Variants in SLC27A2 observed in about 807,000 individuals in gnomAD.
SLC27A2 encodes the protein solute carrier family 27 member 2.
In SLC27A2, 54 loss-of-function variants were observed where a neutral mutation model predicts 60.0. The observed-to-expected ratio is 0.90, with a 90% CI of 0.72 to 1.13. The LOEUF (loss-of-function observed/expected upper bound fraction) is 1.13. Ranked by LOEUF, SLC27A2 falls within the 50% of genes most tolerant of loss-of-function variation. SLC27A2 has a pLI of 0.00. For missense variants in SLC27A2, 739 were observed against 777.6 expected (o/e 0.95, Z 0.59); for synonymous variants, 297 against 297.6 (o/e 1.00, Z 0.02).
intron 4 of SLC27A2, among the ~76,000 whole-genome samples, chr15:50,213,983 G>C (rs542268803): frequency 2.2e-5 from 3 of 136,130 alleles, no homozygotes; most frequent in African/African-American, 8.5e-5. Context: ...AAATGAAATT[G>C]AAACAAACAA....
chr15:50,197,722 G>A lies in SLC27A2; in HGVS notation c.688+13G>A, dbSNP rs1029729504. The A allele has an allele frequency of 2.5e-6, 4 of 1,590,126 alleles. No homozygotes were observed. The African/African-American group carries it at 5.4e-5, about 21-fold the overall frequency. On this transcript the variant is annotated intron_variant, in intron 2 of 9. Coordinates refer to ENST00000267842, the MANE Select transcript of SLC27A2 (RefSeq NM_003645.4). Reference sequence around the variant, plus strand: ...TCTGGAACCACAGGTAAAAATAAAGGGGGGATTCTCCAAAAAAATTAATCT... The same window carrying A: ...TCTGGAACCACAGGTAAAAATAAAGAGGGGATTCTCCAAAAAAATTAATCT...
chr15:50,188,963 GTAGATAGATAGATAGATAAA>G (rs796221960), intron 1 of SLC27A2, among the ~76,000 whole-genome samples: 1,917 of 144,680 alleles, frequency 0.013, 11 homozygotes, highest in African/African-American at 0.021. Context: ...GTCTAGATAG[GTAGATAGATAGATAGATAAA>G]TAGATAGATA....
intron 9 of SLC27A2, among the ~76,000 whole-genome samples, chr15:50,234,517 G>T (rs570081693): frequency 6.6e-6 from 1 of 150,742 alleles, no homozygotes; most frequent in East Asian, 2.0e-4. Flanking sequence ...AACCTAGGAG[G>T]AGGAGGTTGC....
chr15:50,200,585 C>G (rs1567429728), intron 2 of SLC27A2, among the ~76,000 whole-genome samples: 1 of 152,164 alleles, frequency 6.6e-6, no homozygotes, highest in South Asian at 2.1e-4. Flanking sequence ...GAAGGTACCA[C>G]CAAGTATTGA....
At chr15:50,225,934 A>G (rs1384295867) in intron 5 of SLC27A2, 54 bp from the exon 6 acceptor site, 2 of 1,295,684 alleles carry the variant, frequency 1.5e-6, no homozygotes, top group African/African-American at 3.0e-5. Flanking sequence ...TACCACAATT[A>G]AAAAGGGAAA....
At chr15:50,221,123 T>C (rs1448074956) in intron 4 of SLC27A2, among the ~76,000 whole-genome samples, 1 of 151,956 alleles carries the variant, frequency 6.6e-6, no homozygotes, top group East Asian at 1.9e-4. Flanking sequence ...GGAGGATCGC[T>C]TGAGCCTGGG....
intron 8 of SLC27A2, among the ~76,000 whole-genome samples, chr15:50,230,236 CAAAAA>C (rs921052664): frequency 2.1e-5 from 1 of 48,684 alleles, no homozygotes; most frequent in African/African-American, 8.9e-5. Context: ...TCTGTCTCAC[CAAAAA>C]AAAAAAAAAA....
At chr15:50,195,546 C>T (rs189434997) in intron 1 of SLC27A2, among the ~76,000 whole-genome samples, 59 of 152,036 alleles carry the variant, frequency 3.9e-4, no homozygotes, top group Non-Finnish European at 1.5e-5. Context: ...TAGGCATTAG[C>T]TTTAGTTGTG....
intron 1 of SLC27A2, among the ~76,000 whole-genome samples, chr15:50,193,467 G>A (rs1288770599): frequency 6.6e-6 from 1 of 152,220 alleles, no homozygotes; most frequent in African/African-American, 2.4e-5. Context: ...GAATGAGAAT[G>A]GATCCAGGTA....
At chr15:50,217,524 G>T (rs936765654) in intron 4 of SLC27A2, among the ~76,000 whole-genome samples, 10 of 152,130 alleles carry the variant, frequency 6.6e-5, no homozygotes, top group African/African-American at 1.4e-4. Flanking sequence ...TATTGAAGGA[G>T]TGTAATTCTT....
intron 4 of SLC27A2, among the ~76,000 whole-genome samples, chr15:50,214,715 A>T (rs1175011713): frequency 6.6e-6 from 1 of 152,214 alleles, no homozygotes; most frequent in African/African-American, 2.4e-5. Flanking sequence ...GTAAAAAATC[A>T]CATGATAATC....
chr15:50,235,659 T>G (rs1167091487), intron 9 of SLC27A2, among the ~76,000 whole-genome samples: 1 of 152,272 alleles, frequency 6.6e-6, no homozygotes, highest in Non-Finnish European at 1.5e-5. Context: ...AGTAATCCAT[T>G]TGCTAACTAG....
intron 1 of SLC27A2, among the ~76,000 whole-genome samples, chr15:50,187,769 A>G (rs1451928147): frequency 1.3e-5 from 2 of 152,210 alleles, no homozygotes; most frequent in East Asian, 3.8e-4. Flanking sequence ...AAACAATGTG[A>G]TAAAGGAAAA....
chr15:50,210,963 C>T (rs182034510), intron 4 of SLC27A2, among the ~76,000 whole-genome samples: 2 of 152,168 alleles, frequency 1.3e-5, no homozygotes, highest in African/African-American at 4.8e-5. Flanking sequence ...CCCCATCCCC[C>T]ACAGCAGCCA....
At chr15:50,232,974 C>A (rs994272274) in intron 8 of SLC27A2, among the ~76,000 whole-genome samples, 1 of 152,196 alleles carries the variant, frequency 6.6e-6, no homozygotes, top group Non-Finnish European at 1.5e-5. Context: ...GGAAGTGGAA[C>A]TGGACTCCCG....
rs1485370264 is a variant in SLC27A2 at position 50,205,115 on chromosome 15, C to T, written c.848-124C>T. ...TTTTTGCATTTGAATATAAGGTACTCAATACTTGTTTGCAAATATAATTTA... is the reference window on the plus strand; with the variant it reads ...TTTTTGCATTTGAATATAAGGTACTTAATACTTGTTTGCAAATATAATTTA... On this transcript the variant is annotated intron_variant, in intron 3 of 9. Coordinates refer to ENST00000267842, the MANE Select transcript of SLC27A2 (RefSeq NM_003645.4). 6 of 1,188,644 alleles carry T rather than the reference C, an allele frequency of 5.0e-6. No homozygotes were observed. In the Admixed American group the frequency reaches 9.3e-5, roughly 18 times the overall value. 73.6% of individuals were successfully genotyped at this position (1,188,644 alleles called of 1,614,324 possible).
chr15:50,231,062 T>C (rs1360201763), intron 8 of SLC27A2, among the ~76,000 whole-genome samples: 1 of 151,492 alleles, frequency 6.6e-6, no homozygotes, highest in African/African-American at 2.4e-5. Context: ...ATTTAGGGGG[T>C]GATGAAAATG....
intron 8 of SLC27A2, among the ~76,000 whole-genome samples, chr15:50,229,906 G>A (rs551622223): frequency 1.3e-5 from 2 of 152,146 alleles, no homozygotes; most frequent in Admixed American, 1.3e-4. Context: ...CCCAAGCTCT[G>A]ACACTTCTAC....
At chr15:50,192,841 T>C (rs1179348673) in intron 1 of SLC27A2, among the ~76,000 whole-genome samples, 1 of 149,780 alleles carries the variant, frequency 6.7e-6, no homozygotes, top group East Asian at 2.0e-4. Context: ...CCTTTTGACC[T>C]ACCATTTTCC....
Sources: allele counts gnomAD v4.1 joint callset (sites outside exome capture counted in the v4.1 genomes callset), GRCh38; gene constraint gnomAD v4.1.1; transcripts MANE v1.5; gene names NCBI Gene and HGNC (gene_info 2026-07-23, HGNC 2026-07-21).